Variants in RNPC3 observed in about 807,000 individuals in gnomAD.
RNPC3 encodes the protein RNA-binding region-containing protein 3.
A neutral mutation model predicts 67.5 loss-of-function variants in RNPC3; 48 were observed. The ratio of observed to expected loss-of-function variants is 0.71; its 90% CI spans 0.56 to 0.90. The LOEUF is 0.90. Ranked by LOEUF, RNPC3 falls within the 40% of genes least tolerant of loss-of-function variation. The pLI, the probability that RNPC3 is intolerant of heterozygous loss-of-function variation, is 0.00. For missense variants in RNPC3, 637 were observed against 626.1 expected (o/e 1.02, Z -0.19); for synonymous variants, 239 against 210.3 (o/e 1.14, Z -1.18).
intron 9 of RNPC3, among the ~76,000 whole-genome samples, chr1:103,544,244 T>C (rs1409178450): frequency 6.6e-6 from 1 of 151,804 alleles, no homozygotes; most frequent in Non-Finnish European, 1.5e-5. Flanking sequence ...TTCACTCTTA[T>C]TTTTTAAATG....
In RNPC3 at chr1:103,527,747, G is replaced by T. The variant is rs1353569872; in HGVS notation, c.240+5G>T. The T allele has an allele frequency of 1.9e-6, 3 of 1,541,552 alleles. No homozygotes were observed. The highest frequency in any genetic ancestry group is 1.2e-5 in the South Asian group (1 of 83,320). On this transcript the variant is annotated splice_donor_5th_base_variant and intron_variant, in intron 2 of 14. Coordinates refer to ENST00000423855, the MANE Select transcript of RNPC3 (RefSeq NM_017619.4). ...AATGAAAAAGCAGCTATAAAGGTAT[G>T]ACTTTTTCTTGACGATTAAAGTTGT... is the stretch of plus-strand genomic sequence containing the variant.
chr1:103,544,558 T>G (rs1035007285), intron 9 of RNPC3, among the ~76,000 whole-genome samples: 1 of 151,886 alleles, frequency 6.6e-6, no homozygotes, highest in African/African-American at 2.4e-5. Context: ...TTTGAGCACT[T>G]GTGTGAATAT....
intron 12 of RNPC3, among the ~76,000 whole-genome samples, chr1:103,549,754 C>G (rs1651340635): frequency 6.6e-6 from 1 of 152,266 alleles, no homozygotes; most frequent in East Asian, 1.9e-4. Flanking sequence ...TCTTAGCTAT[C>G]TGCTTTGAAG....
intron 2 of RNPC3, among the ~76,000 whole-genome samples, chr1:103,530,211 T>G (rs912819467): frequency 6.6e-6 from 1 of 152,098 alleles, no homozygotes; most frequent in Non-Finnish European, 1.5e-5. Flanking sequence ...AAGATGATTA[T>G]AGTTCATATT....
At chr1:103,536,279 A>T in intron 6 of RNPC3, 85 bp downstream of exon 6, 1 of 876,400 alleles carries the variant, frequency 1.1e-6, no homozygotes, top group Non-Finnish European at 1.8e-6. Context: ...TGTTGTAGCA[A>T]CCTCTGATGT....
intron 2 of RNPC3, among the ~76,000 whole-genome samples, chr1:103,532,578 T>TGA (rs1650885452): frequency 6.6e-6 from 1 of 151,978 alleles, no homozygotes; most frequent in Non-Finnish European, 1.5e-5. Flanking sequence ...CATAATATGT[T>TGA]GAGAGAGAGA....
At position 103,551,067 on chromosome 1, in the gene RNPC3, G is replaced by C. The variant is rs766664763; in HGVS notation, c.1488G>C (p.Met496Ile). 28 of 1,608,866 alleles carry C rather than the reference G, an allele frequency of 1.7e-5. No individual in the cohort carries two copies. The highest frequency in any genetic ancestry group is 2.3e-5 in the Non-Finnish European group (27 of 1,177,422). Residue 496 changes from methionine (M) to isoleucine (I), a missense_variant, in exon 13 of 15, where the codon ATG becomes ATC. Coordinates refer to ENST00000423855, the MANE Select transcript of RNPC3 (RefSeq NM_017619.4). ...GATATGTGCTTTTTGGAAAACCCAT[G>C]GTGGTTGTATCCTTTAAATCCATCT... ...ANGYVLFGKPMVVQFARSARP... is the reference protein window; with the variant it reads ...ANGYVLFGKPIVVQFARSARP...
chr1:103,534,975 T>A (rs1355897900), intron 4 of RNPC3, 118 bp downstream of exon 4: 1 of 586,452 alleles, frequency 1.7e-6, no homozygotes, highest in South Asian at 2.6e-5. Flanking sequence ...TATTGCTTAT[T>A]GTATATTGTG....
At chr1:103,535,473 T>G in intron 5 of RNPC3, 32 bp downstream of exon 5, 1 of 1,306,914 alleles carries the variant, frequency 7.7e-7, no homozygotes, top group Non-Finnish European at 1.1e-6. Flanking sequence ...CTAAAAGGAC[T>G]TGTTGTATAG....
At chr1:103,545,289 G>A (rs1207549799) in intron 10 of RNPC3, 187 bp downstream of exon 10, 10 of 472,926 alleles carry the variant, frequency 2.1e-5, no homozygotes, top group Admixed American at 4.4e-5. Context: ...TGGAGGGAAC[G>A]TTCCTTTCCA....
chr1:103,538,471 T>TA (rs1570620394), intron 7 of RNPC3, among the ~76,000 whole-genome samples: 1 of 152,304 alleles, frequency 6.6e-6, no homozygotes, highest in African/African-American at 2.4e-5. Context: ...AGGCCAGAGT[T>TA]ACGATAGTAT....
chr1:103,545,221 C>A, intron 10 of RNPC3, 119 bp downstream of exon 10: 1 of 739,508 alleles, frequency 1.4e-6, no homozygotes, highest in Non-Finnish European at 2.1e-6. Context: ...TAAAACATCT[C>A]TCCAATTAAT....
intron 12 of RNPC3, among the ~76,000 whole-genome samples, chr1:103,548,859 C>T (rs1031589909): frequency 2.6e-5 from 4 of 152,156 alleles, no homozygotes; most frequent in African/African-American, 4.8e-5. Flanking sequence ...CAAAGTTCCA[C>T]GAGGCCAGGG....
At chr1:103,526,379 A>C (rs769180510) in intron 1 of RNPC3, 117 bp downstream of exon 1, 140 of 770,642 alleles carry the variant, frequency 1.8e-4, no homozygotes, top group Non-Finnish European at 2.6e-4. Context: ...GTGTGATGAG[A>C]GCTCCCCCAT....
Position 103,537,251 on chromosome 1 carries a change from G to A in RNPC3, c.625-91G>A, listed in dbSNP as rs1220584957. 3 of 865,134 alleles carry A rather than the reference G, an allele frequency of 3.5e-6. No homozygotes were observed. In the East Asian group the frequency reaches 8.5e-5, roughly 25 times the overall value. The allele number at this position is 865,134 out of a possible 1,614,324, so 53.6% of individuals were successfully genotyped here. ...TGTGTTAAAAAAAAAAAAAGACCAT[G>A]TGATAGAAATGAGAATGAAGTATTC... On this transcript the variant is annotated intron_variant, in intron 6 of 14. Coordinates refer to ENST00000423855, the MANE Select transcript of RNPC3 (RefSeq NM_017619.4).
At chr1:103,549,511 A>G (rs1486776738) in intron 12 of RNPC3, among the ~76,000 whole-genome samples, 2 of 152,092 alleles carry the variant, frequency 1.3e-5, no homozygotes, top group Non-Finnish European at 2.9e-5. Flanking sequence ...TTGAGTCATG[A>G]TTATAAGGAA....
At chr1:103,531,264 G>T (rs1650852084) in intron 2 of RNPC3, among the ~76,000 whole-genome samples, 1 of 152,178 alleles carries the variant, frequency 6.6e-6, no homozygotes, top group East Asian at 1.9e-4. Flanking sequence ...GGGCATTTGG[G>T]CTGGTTCCGT....
chr1:103,544,357 G>A (rs1651195745), intron 9 of RNPC3, among the ~76,000 whole-genome samples: 1 of 151,710 alleles, frequency 6.6e-6, no homozygotes, highest in Admixed American at 6.6e-5. Context: ...TCTCTTTTTT[G>A]AAGTTTACAA....
At position 103,533,855 on chromosome 1, in the gene RNPC3, A is replaced by T; in HGVS notation, c.357A>T (p.Lys119Asn). ...CCACTTCAGGCTCTGAAAAAAAAAA[A>T]AGGTATGTAGATCAGTAAATCATAC... ...PCPTSGSEKK[K>N]RSDDPVEDDK... is the part of the protein sequence containing the mutation. The change falls in exon 3 of 15, where the codon AAA becomes AAT. Residue 119 changes from lysine to asparagine, a missense_variant and splice_region_variant. This residue lies in a region of RNPC3 where 536 missense variants were observed against 500.3 expected (regional missense o/e 1.07). Coordinates refer to ENST00000423855, the MANE Select transcript of RNPC3 (RefSeq NM_017619.4). 2.8e-6 allele frequency: 4 copies of T among 1,420,408 alleles called. No individual in the cohort carries two copies. The highest frequency in any genetic ancestry group is 3.8e-6 in the Non-Finnish European group (4 of 1,043,428). The allele number at this position is 1,420,408 out of a possible 1,614,324, so 88.0% of individuals were successfully genotyped here.
Sources: allele counts gnomAD v4.1 joint callset (sites outside exome capture counted in the v4.1 genomes callset), GRCh38; gene constraint gnomAD v4.1.1; regional missense constraint gnomAD v4.1.1; transcripts MANE v1.5; gene names NCBI Gene and HGNC (gene_info 2026-07-23, HGNC 2026-07-21).